Variants in CLIC5 observed in about 807,000 individuals in gnomAD.
CLIC5 encodes chloride intracellular channel protein 5.
CLIC5 carries 20 observed loss-of-function variants against 24.7 expected under a neutral mutation model. The ratio of observed to expected loss-of-function variants is 0.81; its 90% CI spans 0.57 to 1.18. The LOEUF is 1.18. Among genes scored for constraint, CLIC5 ranks in the 50% most tolerant of loss-of-function variants. The pLI, the probability that CLIC5 is intolerant of heterozygous loss-of-function variation, is 0.00. For synonymous variants in CLIC5, 159 were observed against 135.6 expected (o/e 1.17, Z -1.20); for missense variants, 341 against 326.1 (o/e 1.05, Z -0.35).
chr6:46,060,008 G>A (rs142442685), intron 1 of CLIC5, among the ~76,000 whole-genome samples: 1 of 152,044 alleles, frequency 6.6e-6, no homozygotes, highest in African/African-American at 2.4e-5. Flanking sequence ...GAGAGATAGG[G>A]GTCTAGTTTC....
chr6:45,908,398 GGTAGGCATTTCGTGCTA>G (rs1191505882), intron 5 of CLIC5, among the ~76,000 whole-genome samples: 3 of 152,006 alleles, frequency 2.0e-5, no homozygotes, highest in Admixed American at 2.0e-4. Flanking sequence ...AACTTTTTGA[GGTAGGCATTTCGTGCTA>G]TAAACTTTCC....
intron 5 of CLIC5, among the ~76,000 whole-genome samples, chr6:45,910,172 A>G (rs1015973833): frequency 6.6e-6 from 1 of 152,164 alleles, no homozygotes; most frequent in African/African-American, 2.4e-5. Context: ...AAGGATAGCA[A>G]TCACAGGTTC....
chr6:45,956,119 GTC>G (rs1764633498), intron 1 of CLIC5, among the ~76,000 whole-genome samples: 1 of 152,106 alleles, frequency 6.6e-6, no homozygotes, highest in Admixed American at 6.5e-5. Flanking sequence ...GCTTTTTTAG[GTC>G]TGAAAAGCAA....
chr6:45,942,764 C>T (rs1333319751), intron 3 of CLIC5, among the ~76,000 whole-genome samples: 1 of 152,146 alleles, frequency 6.6e-6, no homozygotes, highest in Non-Finnish European at 1.5e-5. Flanking sequence ...CTTTTGGGGC[C>T]CCTTTTGGGG....
chr6:45,930,108 GA>G (rs1221871378), intron 4 of CLIC5, among the ~76,000 whole-genome samples: 2 of 152,064 alleles, frequency 1.3e-5, no homozygotes, highest in East Asian at 1.9e-4. Flanking sequence ...TGGGAATCTG[GA>G]AAAAATGCCC....
At chr6:45,944,549 CAAA>C (rs773971605) in intron 3 of CLIC5, among the ~76,000 whole-genome samples, 52 of 61,394 alleles carry the variant, frequency 8.5e-4, no homozygotes, top group African/African-American at 2.3e-3. Context: ...GGCTTCTCAC[CAAA>C]AAAAAAAAAA....
chr6:45,883,092 G>A (rs1762276576), intron 6 of CLIC5, among the ~76,000 whole-genome samples: 1 of 152,118 alleles, frequency 6.6e-6, no homozygotes, highest in South Asian at 2.1e-4. Context: ...CTTGGCTCTG[G>A]GATTCAAGAA....
At chr6:46,007,646 A>T (rs932587647) in intron 1 of CLIC5, among the ~76,000 whole-genome samples, 1 of 152,170 alleles carries the variant, frequency 6.6e-6, no homozygotes, top group Non-Finnish European at 1.5e-5. Context: ...GCAGCAGCTC[A>T]CATTTTATCT....
At chr6:45,911,513 A>G in intron 5 of CLIC5, 1 of 788,290 alleles carries the variant, frequency 1.3e-6, no homozygotes, top group Non-Finnish European at 1.5e-6. Context: ...TGGCCTGACC[A>G]AGAGAACTGG....
intron 1 of CLIC5, among the ~76,000 whole-genome samples, chr6:46,005,456 C>G (rs979970182): frequency 7.9e-5 from 12 of 152,180 alleles, no homozygotes; most frequent in Admixed American, 2.0e-4. Context: ...GCCTCAGATG[C>G]AGGGCCAAAT....
At chr6:46,097,511 G>C in the CLIC5 span, among the ~76,000 whole-genome samples, 1 of 152,208 alleles carries the variant, frequency 6.6e-6, no homozygotes, top group East Asian at 1.9e-4. Flanking sequence ...CACACTGAGA[G>C]CAATTGTGGC....
In CLIC5 at chr6:45,900,905, A is replaced by C. The variant is rs1762493877; in HGVS notation, c.*2183T>G. ...TGAACATCCAATCCGAGTCCTTGGA[A>C]TTCTGCAGACTTCTCTGGGGTGGAG... On this transcript the variant is annotated 3_prime_UTR_variant, in exon 6 of 6. Transcript: ENST00000339561. 1 of 152,120 alleles carries C rather than the reference A, an allele frequency of 6.6e-6. No individual in the cohort carries two copies. The highest frequency in any genetic ancestry group is 2.1e-4 in the South Asian group (1 of 4,814). The allele number at this position is 152,120 out of a possible 1,614,324, so 9.4% of individuals were successfully genotyped here. A position where few individuals can be genotyped will look rare whatever the true frequency, so the allele number is the denominator to read the frequency against.
chr6:45,935,155 A>T (rs1369108975), intron 4 of CLIC5, among the ~76,000 whole-genome samples: 1 of 152,230 alleles, frequency 6.6e-6, no homozygotes, highest in African/African-American at 2.4e-5. Context: ...GCAAAATGTA[A>T]GACAGATATT....
At chr6:45,943,610 A>G (rs1261873220) in intron 3 of CLIC5, among the ~76,000 whole-genome samples, 1 of 152,244 alleles carries the variant, frequency 6.6e-6, no homozygotes, top group Non-Finnish European at 1.5e-5. Flanking sequence ...GTAAAGACAG[A>G]AAGGCCTAGA....
At chr6:46,038,502 A>G (rs1767724108) in intron 1 of CLIC5, among the ~76,000 whole-genome samples, 1 of 152,210 alleles carries the variant, frequency 6.6e-6, no homozygotes, top group Non-Finnish European at 1.5e-5. Flanking sequence ...TTACTCTGCT[A>G]AAGTCAACAT....
At chr6:45,905,886 T>C (rs1291984906) in intron 5 of CLIC5, among the ~76,000 whole-genome samples, 1 of 152,222 alleles carries the variant, frequency 6.6e-6, no homozygotes, top group African/African-American at 2.4e-5. Context: ...TTACTTTTTG[T>C]ATATGATGAA....
intron 1 of CLIC5, among the ~76,000 whole-genome samples, chr6:45,991,734 G>T (rs781733252): frequency 6.6e-6 from 1 of 152,156 alleles, no homozygotes; most frequent in Non-Finnish European, 1.5e-5. Flanking sequence ...GGAAAAGAAA[G>T]CTTCCTCAGA....
At chr6:46,121,527 C>T in the CLIC5 span, among the ~76,000 whole-genome samples, 6 of 152,126 alleles carry the variant, frequency 3.9e-5, no homozygotes, top group Non-Finnish European at 7.4e-5. Flanking sequence ...CATCAACTAA[C>T]GAGCAAAATA....
At chr6:45,968,912 C>T (rs1055496243) in intron 1 of CLIC5, among the ~76,000 whole-genome samples, 2 of 152,098 alleles carry the variant, frequency 1.3e-5, no homozygotes, top group African/African-American at 4.8e-5. Flanking sequence ...CGTTCCAGAC[C>T]TAGTTTTGGC....
Sources: allele counts gnomAD v4.1 joint callset (sites outside exome capture counted in the v4.1 genomes callset), GRCh38; gene constraint gnomAD v4.1.1; transcripts MANE v1.5; gene names NCBI Gene and HGNC (gene_info 2026-07-23, HGNC 2026-07-21).